The following RASGRP2 variants were observed in gnomAD, a reference collection of about 807,000 sequenced individuals.
The protein encoded by RASGRP2 is RAS guanyl-releasing protein 2.
A neutral mutation model predicts 71.0 loss-of-function variants in RASGRP2; 44 were observed. The observed-to-expected ratio is 0.62, with a 90% CI of 0.49 to 0.80. The LOEUF (loss-of-function observed/expected upper bound fraction) is 0.80, where lower values mean the gene tolerates loss of function less well. Ranked by LOEUF, RASGRP2 falls within the 30% of genes least tolerant of loss-of-function variation. The probability of loss-of-function intolerance (pLI) is 0.00; values close to 1 mark genes in which losing one functional copy is unlikely to be tolerated. For missense variants in RASGRP2, 663 were observed against 813.4 expected (o/e 0.82, Z 2.25); for synonymous variants, 350 against 330.7 (o/e 1.06, Z -0.63).
chr11:64,737,594 C>T (rs1388195618), intron 8 of RASGRP2, among the ~76,000 whole-genome samples: 1 of 149,384 alleles, frequency 6.7e-6, no homozygotes, highest in Non-Finnish European at 1.5e-5. Context: ...ATCGCTTGAA[C>T]CCGGGAGGCA....
intron 12 of RASGRP2, among the ~76,000 whole-genome samples, chr11:64,733,395 A>AACACACACACACAC (rs4014428): frequency 2.2e-4 from 27 of 124,898 alleles, no homozygotes; most frequent in African/African-American, 6.9e-4. Flanking sequence ...CCCCCTCACC[A>AACACACACACACAC]ACACACACAC....
At chr11:64,744,181 A>C (rs894039729), upstream of RASGRP2, 2 of 985,394 alleles carry the variant, frequency 2.0e-6, no homozygotes, top group African/African-American at 3.5e-5. Context: ...ACATGCACAC[A>C]CCCCCATGGG....
chr11:64,737,543 A>G (rs550567578), intron 8 of RASGRP2, among the ~76,000 whole-genome samples: 17 of 152,014 alleles, frequency 1.1e-4, no homozygotes, highest in Admixed American at 1.0e-3. Context: ...GTGGTGGTGC[A>G]TGCCTGTAGT....
chr11:64,735,233 G>GCACGCAGAGGGA lies in RASGRP2; in HGVS notation c.1297-18_1297-7dup. 6.2e-7 allele frequency: 1 copy of GCACGCAGAGGGA among 1,607,324 alleles called. No homozygotes were observed. The highest frequency in any genetic ancestry group is 8.5e-7 in the Non-Finnish European group (1 of 1,173,788). ...TCAAAGTTCCGGAACACAGACTGGGGCACGCAGAGGGACACGCAGAGCCAG... is the reference window on the plus strand; with the variant it reads ...TCAAAGTTCCGGAACACAGACTGGGGCACGCAGAGGGACACGCAGAGGGACACGCAGAGCCAG... On this transcript the variant is annotated splice_region_variant and splice_polypyrimidine_tract_variant and intron_variant, in intron 11 of 16. Coordinates refer to ENST00000394432, the MANE Select transcript of RASGRP2 (RefSeq NM_001098671.2). This position sits in a 1 kb window ranked among gnomAD's most constrained non-coding sequence, Gnocchi z 4.2.
chr11:64,727,478 T>A, intron 15 of RASGRP2, 118 bp from the exon 16 acceptor site: 9 of 770,584 alleles, frequency 1.2e-5, no homozygotes, highest in African/African-American at 1.8e-5. Context: ...CCACCAAAAA[T>A]CAATTCCCTG....
Position 64,742,309 on chromosome 11 carries a change from G to T in RASGRP2, c.74-197C>A, listed in dbSNP as rs2058154415. ...GGTGGGCGAGAGATAGGCACGCCCT[G>T]AGGACTGGAGGAGGGGAGCGCCCGA... is the stretch of plus-strand genomic sequence containing the variant. On this transcript the variant is annotated intron_variant, in intron 2 of 16. Coordinates refer to ENST00000394432, the MANE Select transcript of RASGRP2 (RefSeq NM_001098671.2). The surrounding 1 kb of genome is among the most constrained non-coding windows in gnomAD (Gnocchi z 4.7). Among the ~76,000 whole-genome samples, 1 of 152,130 alleles carries T rather than the reference G, an allele frequency of 6.6e-6. No individual in the cohort carries two copies.
Position 64,744,088 on chromosome 11 carries a change from C to T in RASGRP2, c.-157G>A. ...CACTTGAGCCAGGCCAGCCTTGAGT[C>T]CCGCGGCCACACAGGCGCTGACATC... is the stretch of plus-strand genomic sequence containing the variant. On this transcript the variant is annotated 5_prime_UTR_variant, in exon 1 of 17. Transcript: ENST00000394432. 1 of 988,386 alleles carries T rather than the reference C, an allele frequency of 1.0e-6. No homozygotes were observed. The allele number at this position is 988,386 out of a possible 1,614,324, so 61.2% of individuals were successfully genotyped here.
At position 64,736,910 on chromosome 11, in the gene RASGRP2, G is replaced by A. The variant is rs192530379; in HGVS notation, c.938C>T (p.Ala313Val). Residue 313 changes from alanine to valine, a missense_variant, in exon 9 of 17, where the codon GCC (alanine) becomes GTC (valine). Ala to Val is a moderately conservative substitution (Grantham distance 64, BLOSUM62 0). Coordinates refer to ENST00000394432, the MANE Select transcript of RASGRP2 (RefSeq NM_001098671.2). ...CCAGTCAGGCAGTGCCAGCTGCAGGGCCACCAGGTCCTTGAGGTGCACACC... is the reference window on the plus strand; with the variant it reads ...CCAGTCAGGCAGTGCCAGCTGCAGGACCACCAGGTCCTTGAGGTGCACACC... ...ILGVHLKDLV[A>V]LQLALPDWLD... The A allele has an allele frequency of 2.5e-6, 4 of 1,613,952 alleles. No homozygotes were observed. Among genetic ancestry groups the A allele is most frequent in the Non-Finnish European group, 3.4e-6 (4 of 1,180,040 alleles).
chr11:64,735,078 C>T lies in RASGRP2; in HGVS notation c.1412+34G>A. On this transcript the variant is annotated intron_variant, in intron 12 of 16. Coordinates refer to ENST00000394432, the MANE Select transcript of RASGRP2 (RefSeq NM_001098671.2). This position sits in a 1 kb window ranked among gnomAD's most constrained non-coding sequence, Gnocchi z 4.2. ...CCCAGGCAGAAGTGGGCTGAGTTGC[C>T]TTCCCTCTCCCCCAGGTCCCCAGCC... 9 of 1,535,552 alleles carry T rather than the reference C, an allele frequency of 5.9e-6. No individual in the cohort carries two copies. The highest frequency in any genetic ancestry group is 8.1e-6 in the Non-Finnish European group (9 of 1,108,500).
At position 64,742,807 on chromosome 11, in the gene RASGRP2, G is replaced by A. The variant is rs1413613358; in HGVS notation, c.60C>T (p.Cys20=). 2 of 1,608,694 alleles carry A rather than the reference G, an allele frequency of 1.2e-6. No individual in the cohort carries two copies. Among genetic ancestry groups the A allele is most frequent in the Non-Finnish European group, 8.5e-7 (1 of 1,178,402 alleles). The change falls in exon 2 of 17, where the codon TGC becomes TGT. Residue 20 remains cysteine, a synonymous_variant. Transcript: ENST00000394432. This position sits in a 1 kb window ranked among gnomAD's most constrained non-coding sequence, Gnocchi z 4.7. ...CGAGCCACTCACCGAAGGCTTCGAT[G>A]CACCCGCGGAGCAGCTCCTCCACCG... ...GCTVEELLRG[C]IEAFDDSGKV... is the part of the protein sequence containing the mutation.
In RASGRP2 at chr11:64,735,547, C is replaced by T; in HGVS notation, c.1291G>A (p.Val431Met). The change falls in exon 11 of 17, where the codon GTG becomes ATG. Residue 431 changes from valine to methionine, a missense_variant. Physicochemically the swap from Val to Met is conservative, Grantham distance 21. Coordinates refer to ENST00000394432, the MANE Select transcript of RASGRP2 (RefSeq NM_001098671.2). The surrounding 1 kb of genome is among the most constrained non-coding windows in gnomAD (Gnocchi z 4.2). Reference protein sequence around the residue: ...ALVVEHIEKMVESVFRNFDVD... With the variant: ...ALVVEHIEKMMESVFRNFDVD... Reference sequence around the variant, plus strand: ...CAGGCTCCGCAGGAGCTCACCTCCACCATCTTCTCGATGTGCTCCACCACG... The same window carrying T: ...CAGGCTCCGCAGGAGCTCACCTCCATCATCTTCTCGATGTGCTCCACCACG... The T allele has an allele frequency of 1.2e-6, 2 of 1,614,056 alleles. No homozygotes were observed. Among genetic ancestry groups the T allele is most frequent in the Non-Finnish European group, 1.7e-6 (2 of 1,179,984 alleles).
At chr11:64,727,182 T>C in intron 16 of RASGRP2, 51 bp from the exon 17 acceptor site, 1 of 861,192 alleles carries the variant, frequency 1.2e-6, no homozygotes, top group Non-Finnish European at 1.9e-6. Context: ...AACAACAAGG[T>C]AGTAGCCCAC....
At chr11:64,738,544 C>G (rs543830156) in intron 8 of RASGRP2, among the ~76,000 whole-genome samples, 1 of 152,108 alleles carries the variant, frequency 6.6e-6, no homozygotes, top group Admixed American at 6.5e-5. Flanking sequence ...TCAAGTAATT[C>G]TCCTCCTGCC....
intron 12 of RASGRP2, among the ~76,000 whole-genome samples, chr11:64,734,855 A>G (rs769665466): frequency 5.3e-5 from 8 of 152,324 alleles, no homozygotes; most frequent in Non-Finnish European, 7.3e-5. Flanking sequence ...GCACTTTTGT[A>G]GCCACAGTCC....
At chr11:64,741,174 A>G (rs2058108771) in intron 4 of RASGRP2, 95 bp from the exon 5 acceptor site, 1 of 1,465,574 alleles carries the variant, frequency 6.8e-7, no homozygotes, top group Non-Finnish European at 9.3e-7. Flanking sequence ...CCTAAGCAAA[A>G]AGACCCTCAA....
At position 64,742,491 on chromosome 11, in the gene RASGRP2, G is replaced by A. The variant is rs981532706; in HGVS notation, c.73+303C>T. 3.5e-6 allele frequency: 2 copies of A among 573,414 alleles called. No individual in the cohort carries two copies. The highest frequency in any genetic ancestry group is 3.8e-5 in the African/African-American group (2 of 53,296). The allele number at this position is 573,414 out of a possible 1,614,324, so 35.5% of individuals were successfully genotyped here. A position where few individuals can be genotyped will look rare whatever the true frequency, so the allele number is the denominator to read the frequency against. On this transcript the variant is annotated intron_variant, in intron 2 of 16. Coordinates refer to ENST00000394432, the MANE Select transcript of RASGRP2 (RefSeq NM_001098671.2). The surrounding 1 kb of genome is among the most constrained non-coding windows in gnomAD (Gnocchi z 4.7). Reference sequence around the variant, plus strand: ...TTAGCCGGAAACAGCTCCCAGGCCGGAGATAGCGAGTTCCTCCGGATTCCC... The same window carrying A: ...TTAGCCGGAAACAGCTCCCAGGCCGAAGATAGCGAGTTCCTCCGGATTCCC...
At position 64,739,341 on chromosome 11, in the gene RASGRP2, C is replaced by T; in HGVS notation, c.813+19G>A. The T allele has an allele frequency of 6.3e-7, 1 of 1,593,278 alleles. No individual in the cohort carries two copies. The highest frequency in any genetic ancestry group is 1.1e-5 in the South Asian group (1 of 90,632). On this transcript the variant is annotated intron_variant, in intron 8 of 16. Coordinates refer to ENST00000394432, the MANE Select transcript of RASGRP2 (RefSeq NM_001098671.2). The surrounding 1 kb of genome is among the most constrained non-coding windows in gnomAD (Gnocchi z 4.2). ...AAGACAGACCTGGGAAGCACCGGCC[C>T]CTCCCCAGTCCCAGGCACCTTGATG...
chr11:64,739,623 G>C lies in RASGRP2; in HGVS notation c.696+13C>G. ...GGGGTGGTTGGGAGACACCGGGAGG[G>C]AGGGGCAGGCACCTCCGCCACGTGG... On this transcript the variant is annotated intron_variant, in intron 7 of 16. Transcript: ENST00000394432. This position sits in a 1 kb window ranked among gnomAD's most constrained non-coding sequence, Gnocchi z 4.2. 1 of 1,612,946 alleles carries C rather than the reference G, an allele frequency of 6.2e-7. No individual in the cohort carries two copies. The highest frequency in any genetic ancestry group is 1.3e-5 in the African/African-American group (1 of 75,000).
intron 5 of RASGRP2, 101 bp downstream of exon 5, chr11:64,740,847 G>A: frequency 2.7e-6 from 4 of 1,496,352 alleles, no homozygotes; most frequent in South Asian, 1.1e-5. Flanking sequence ...AAGCGAGAGA[G>A]CAACATGACC....
Sources: allele counts gnomAD v4.1 joint callset (sites outside exome capture counted in the v4.1 genomes callset), GRCh38; gene constraint gnomAD v4.1.1; non-coding constraint Gnocchi (gnomAD v3.1); transcripts MANE v1.5; gene names NCBI Gene and HGNC (gene_info 2026-07-23, HGNC 2026-07-21).